The following LRP1B variants were observed in gnomAD, a reference collection of about 807,000 sequenced individuals.
LRP1B encodes the protein low-density lipoprotein receptor-related protein 1B.
In LRP1B, 217 loss-of-function variants were observed where a neutral mutation model predicts 556.6. That is an observed-to-expected ratio of 0.39 (90% confidence interval 0.35 to 0.44). The LOEUF (loss-of-function observed/expected upper bound fraction) is 0.44. Ranked by LOEUF, LRP1B falls within the 20% of genes least tolerant of loss-of-function variation. The pLI is 1.00. For synonymous variants in LRP1B, 2,047 were observed against 1,865.8 expected (o/e 1.10, Z -2.50); for missense variants, 5,053 against 5,620.8 (o/e 0.90, Z 3.23).
chr2:140,261,009 G>A (rs1681910956), intron 86 of LRP1B, among the ~76,000 whole-genome samples: 1 of 150,728 alleles, frequency 6.6e-6, no homozygotes, highest in South Asian at 2.1e-4. Context: ...AATATCTGTT[G>A]ATGAGTGGAT....
chr2:141,060,321 C>A (rs1041479877), intron 8 of LRP1B, among the ~76,000 whole-genome samples: 1 of 151,486 alleles, frequency 6.6e-6, no homozygotes, highest in African/African-American at 2.4e-5. Context: ...TGTTATAGCC[C>A]GAATAGTTTT....
intron 77 of LRP1B, among the ~76,000 whole-genome samples, chr2:140,345,806 A>G (rs1381576039): frequency 7.0e-6 from 1 of 142,858 alleles, no homozygotes; most frequent in South Asian, 2.1e-4. Flanking sequence ...ATACATATAT[A>G]CACATATATA....
chr2:141,946,431 C>G (rs189618461), intron 1 of LRP1B, among the ~76,000 whole-genome samples: 2 of 152,190 alleles, frequency 1.3e-5, no homozygotes, highest in African/African-American at 4.8e-5. Flanking sequence ...TTAGGTGGAA[C>G]TTTAGACGTG....
chr2:141,157,929 G>A (rs1702108972), intron 7 of LRP1B, among the ~76,000 whole-genome samples: 1 of 152,094 alleles, frequency 6.6e-6, no homozygotes, highest in Admixed American at 6.6e-5. Flanking sequence ...CACAAAAAAT[G>A]TTGCTCTAAT....
chr2:141,600,395 C>T (rs1009239695), intron 2 of LRP1B, among the ~76,000 whole-genome samples: 9 of 152,224 alleles, frequency 5.9e-5, no homozygotes, highest in African/African-American at 1.4e-4. Flanking sequence ...TTGTATTCCA[C>T]GAACTAGAGC....
At chr2:140,600,157 A>T (rs1682597480) in intron 42 of LRP1B, among the ~76,000 whole-genome samples, 1 of 152,172 alleles carries the variant, frequency 6.6e-6, no homozygotes, top group African/African-American at 2.4e-5. Context: ...CATATATAAT[A>T]TCATGAGTGA....
chr2:141,089,793 A>G (rs1483985214), intron 7 of LRP1B, among the ~76,000 whole-genome samples: 1 of 152,210 alleles, frequency 6.6e-6, no homozygotes, highest in Admixed American at 6.5e-5. Flanking sequence ...GCCACAGGGC[A>G]GCAAAGGAGT....
intron 20 of LRP1B, among the ~76,000 whole-genome samples, chr2:140,935,451 G>A (rs1462300974): frequency 2.6e-5 from 4 of 151,902 alleles, no homozygotes; most frequent in Non-Finnish European, 5.9e-5. Flanking sequence ...AGAAAAAACA[G>A]GCAAATTTGA....
chr2:140,369,067 A>G (rs1039359803), intron 71 of LRP1B, among the ~76,000 whole-genome samples: 1 of 151,924 alleles, frequency 6.6e-6, no homozygotes, highest in Non-Finnish European at 1.5e-5. Flanking sequence ...ATAATTTTAG[A>G]TCTGAAAGGT....
chr2:140,366,591 CTG>C (rs1185325881), intron 71 of LRP1B, among the ~76,000 whole-genome samples: 2 of 151,574 alleles, frequency 1.3e-5, no homozygotes, highest in Non-Finnish European at 3.0e-5. Flanking sequence ...ACAAAAGAGA[CTG>C]AGAAAAAGTA....
At chr2:140,386,859 T>C (rs575780093) in intron 66 of LRP1B, among the ~76,000 whole-genome samples, 32 of 152,300 alleles carry the variant, frequency 2.1e-4, no homozygotes, top group African/African-American at 6.3e-4. Context: ...AAGAGTAATA[T>C]TGAACTATGT....
intron 49 of LRP1B, among the ~76,000 whole-genome samples, chr2:140,520,279 A>G (rs1325996469): frequency 6.6e-6 from 1 of 152,180 alleles, no homozygotes; most frequent in East Asian, 1.9e-4. Flanking sequence ...GCAACCATAG[A>G]AAAGGATGAG....
chr2:142,016,719 C>T (rs1248500012), intron 1 of LRP1B, among the ~76,000 whole-genome samples: 1 of 151,864 alleles, frequency 6.6e-6, no homozygotes, highest in Non-Finnish European at 1.5e-5. Flanking sequence ...GTAGAAATAC[C>T]TAATGTAGAT....
chr2:141,576,921 G>C (rs112108344), intron 2 of LRP1B, among the ~76,000 whole-genome samples: 1 of 151,210 alleles, frequency 6.6e-6, no homozygotes, highest in Non-Finnish European at 1.5e-5. Context: ...GCCTCCCAGA[G>C]TGCTGGGATA....
chr2:142,119,259 G>A (rs1399285435), intron 1 of LRP1B, among the ~76,000 whole-genome samples: 1 of 152,064 alleles, frequency 6.6e-6, no homozygotes, highest in African/African-American at 2.4e-5. Context: ...TACTTATAAT[G>A]ATCATGTAGC....
chr2:140,711,152 A>G (rs952583292), intron 37 of LRP1B, among the ~76,000 whole-genome samples: 9 of 152,080 alleles, frequency 5.9e-5, no homozygotes, highest in Non-Finnish European at 1.5e-5. Flanking sequence ...AAACATTTAC[A>G]GCATTAATTC....
chr2:141,642,812 C>T (rs544204499), intron 2 of LRP1B, among the ~76,000 whole-genome samples: 25 of 152,168 alleles, frequency 1.6e-4, no homozygotes, highest in South Asian at 4.1e-4. Flanking sequence ...GATAATAAAA[C>T]TGTTCTTAGA....
At chr2:141,985,261 A>G (rs1702153500) in intron 1 of LRP1B, among the ~76,000 whole-genome samples, 1 of 152,164 alleles carries the variant, frequency 6.6e-6, no homozygotes, top group Non-Finnish European at 1.5e-5. Context: ...GGAGTAGCAA[A>G]TCAGGTCAGT....
intron 7 of LRP1B, among the ~76,000 whole-genome samples, chr2:141,096,359 A>AGGAGGATCACTGGCGGTC (rs1163382043): frequency 6.6e-6 from 1 of 152,012 alleles, no homozygotes; most frequent in Non-Finnish European, 1.5e-5. Context: ...AGGCTGAAGC[A>AGGAGGATCACTGGCGGTC]GGAGGATCAC....
Sources: gnomAD v4.1 joint callset for allele counts (sites outside exome capture counted in the v4.1 genomes callset) on GRCh38, gnomAD v4.1.1 for gene constraint, MANE v1.5 for transcripts, NCBI Gene and HGNC (gene_info 2026-07-23, HGNC 2026-07-21) for gene names.